The following WDR41 variants were observed in gnomAD, a reference collection of about 807,000 sequenced individuals.
The protein encoded by WDR41 is WD repeat-containing protein 41.
WDR41 carries 63 observed loss-of-function variants against 69.3 expected under a neutral mutation model. The ratio of observed to expected loss-of-function variants is 0.91; its 90% CI spans 0.74 to 1.12. The LOEUF (loss-of-function observed/expected upper bound fraction) is 1.12, where lower values mean the gene tolerates loss of function less well. Among genes scored for constraint, WDR41 ranks in the 50% most tolerant of loss-of-function variants. The pLI, the probability that WDR41 is intolerant of heterozygous loss-of-function variation, is 0.00. For missense variants in WDR41, 543 were observed against 534.5 expected (o/e 1.02, Z -0.16); for synonymous variants, 185 against 192.1 (o/e 0.96, Z 0.31).
intron 1 of WDR41, among the ~76,000 whole-genome samples, chr5:77,538,124 A>G (rs192757791): frequency 1.1e-3 from 173 of 152,006 alleles, no homozygotes; most frequent in Admixed American, 2.0e-3. Context: ...TCCACTCTCT[A>G]TTTCCATGAT....
Position 77,431,118 on chromosome 5 carries a change from G to A in WDR41, c.*2017C>T, listed in dbSNP as rs976471439. ...ATAAAGGAGCATCAGGATTTGAGAT[G>A]ACAGACTCTAAATTTTGAAAGAAGT... On this transcript the variant is annotated 3_prime_UTR_variant, in exon 13 of 13. Transcript: ENST00000296679. The A allele has an allele frequency of 1.5e-4, 22 of 150,658 alleles. No homozygotes were observed. The highest frequency in any genetic ancestry group is 5.3e-4 in the African/African-American group (22 of 41,312). The allele number at this position is 150,658 out of a possible 1,614,324, so 9.3% of individuals were successfully genotyped here.
At chr5:77,542,550 G>T (rs1348037716) in intron 1 of WDR41, among the ~76,000 whole-genome samples, 6 of 152,154 alleles carry the variant, frequency 3.9e-5, no homozygotes, top group Non-Finnish European at 7.4e-5. Flanking sequence ...AAAAGGTTTT[G>T]TGGAGCTAAA....
chr5:77,578,422 A>G (rs969992187), intron 1 of WDR41, among the ~76,000 whole-genome samples: 7 of 152,144 alleles, frequency 4.6e-5, no homozygotes, highest in African/African-American at 1.7e-4. Flanking sequence ...TAAAATGTCC[A>G]TTTTCCAAGT....
At chr5:77,615,603 G>A (rs1200195346) in intron 1 of WDR41, among the ~76,000 whole-genome samples, 1 of 145,012 alleles carries the variant, frequency 6.9e-6, no homozygotes, top group Non-Finnish European at 1.5e-5. Context: ...AGGCAATAAT[G>A]AGTTTGTGTG....
chr5:77,559,148 G>T (rs1329055178), intron 1 of WDR41, among the ~76,000 whole-genome samples: 1 of 151,932 alleles, frequency 6.6e-6, no homozygotes, highest in Non-Finnish European at 1.5e-5. Flanking sequence ...ATATAGAGAG[G>T]GAAATAGCCT....
intron 5 of WDR41, among the ~76,000 whole-genome samples, chr5:77,457,763 CTATT>C (rs1266631907): frequency 2.9e-5 from 4 of 135,764 alleles, no homozygotes; most frequent in African/African-American, 1.3e-4. Context: ...GATAAACTAT[CTATT>C]CAAGAACAAC....
At chr5:77,579,431 A>C (rs1016863077) in intron 1 of WDR41, among the ~76,000 whole-genome samples, 1 of 152,192 alleles carries the variant, frequency 6.6e-6, no homozygotes, top group Admixed American at 6.5e-5. Context: ...TTTACAAGTG[A>C]TTAACAGCAA....
intron 1 of WDR41, among the ~76,000 whole-genome samples, chr5:77,507,591 ATATAAG>A (rs1424419949): frequency 1.3e-5 from 2 of 152,264 alleles, no homozygotes; most frequent in South Asian, 2.1e-4. Flanking sequence ...TATACTCTCG[ATATAAG>A]TATAACAGAT....
intron 1 of WDR41, among the ~76,000 whole-genome samples, chr5:77,589,015 G>A (rs906670409): frequency 6.6e-6 from 1 of 152,044 alleles, no homozygotes; most frequent in Non-Finnish European, 1.5e-5. Flanking sequence ...TGAAAAATGT[G>A]GCACTTGATC....
intron 1 of WDR41, among the ~76,000 whole-genome samples, chr5:77,517,781 T>G (rs1188951024): frequency 6.6e-6 from 1 of 151,552 alleles, no homozygotes; most frequent in Non-Finnish European, 1.5e-5. Context: ...AACACCCAAA[T>G]AAGAAAGATA....
intron 1 of WDR41, among the ~76,000 whole-genome samples, chr5:77,571,276 A>G (rs1196554355): frequency 1.3e-5 from 2 of 152,184 alleles, no homozygotes; most frequent in Non-Finnish European, 2.9e-5. Flanking sequence ...GTCATTTTTA[A>G]TACATAATAC....
intron 1 of WDR41, among the ~76,000 whole-genome samples, chr5:77,570,804 T>G (rs1743719836): frequency 1.3e-5 from 2 of 151,920 alleles, no homozygotes; most frequent in Admixed American, 1.3e-4. Flanking sequence ...AGTTACATCT[T>G]CCTTAGTCAT....
At chr5:77,554,852 C>G (rs1019823798) in intron 1 of WDR41, among the ~76,000 whole-genome samples, 6 of 151,842 alleles carry the variant, frequency 4.0e-5, no homozygotes, top group Non-Finnish European at 8.8e-5. Flanking sequence ...GGTGGGGTGG[C>G]TCATGCCTGC....
Position 77,446,358 on chromosome 5 carries a change from T to C in WDR41, c.697+3402A>G, listed in dbSNP as rs568889508. Among the ~76,000 whole-genome samples the C allele has an allele frequency of 1.1e-4, 16 of 152,228 alleles. No individual in the cohort carries two copies. The East Asian group carries it at 2.9e-3, about 28-fold the overall frequency. On this transcript the variant is annotated intron_variant, in intron 8 of 12. Coordinates refer to ENST00000296679, the MANE Select transcript of WDR41 (RefSeq NM_018268.4). ...AAATGGCCATATTGCCTAAAGTAATTTACAGATTCAATGCTATTCCCATCA... is the reference window on the plus strand; with the variant it reads ...AAATGGCCATATTGCCTAAAGTAATCTACAGATTCAATGCTATTCCCATCA...
chr5:77,518,869 T>C (rs1024406505), intron 1 of WDR41, among the ~76,000 whole-genome samples: 2 of 152,034 alleles, frequency 1.3e-5, no homozygotes, highest in Admixed American at 1.3e-4. Context: ...ATGAATAATC[T>C]CAGTGAGAAG....
chr5:77,605,889 A>G (rs925969646), intron 1 of WDR41, among the ~76,000 whole-genome samples: 22 of 152,202 alleles, frequency 1.4e-4, no homozygotes, highest in Admixed American at 4.6e-4. Flanking sequence ...TCATGGAAGG[A>G]TATAGGTAAA....
intron 1 of WDR41, among the ~76,000 whole-genome samples, chr5:77,578,721 C>A (rs1010697003): frequency 5.3e-5 from 8 of 151,650 alleles, no homozygotes; most frequent in Non-Finnish European, 1.2e-4. Flanking sequence ...AAAATTAGCC[C>A]GGCCTGGTGG....
chr5:77,545,816 G>A, intron 1 of WDR41: 1 of 1,008,272 alleles, frequency 9.9e-7, no homozygotes, highest in East Asian at 2.7e-5. Flanking sequence ...GCTCCAAGGA[G>A]GTGGCCACTG....
rs575517969 is a variant in WDR41 at position 77,556,128 on chromosome 5, G to A, written c.42+64351C>T. ...TTTTTTTTTTTTTTTTTTTTGAGATGGAGTCTCTCTCTGTTGCCAGGCTGA... is the reference window on the plus strand; with the variant it reads ...TTTTTTTTTTTTTTTTTTTTGAGATAGAGTCTCTCTCTGTTGCCAGGCTGA... On this transcript the variant is annotated intron_variant, in intron 1 of 5. Transcript: ENST00000509971. 1.6e-3 allele frequency among the ~76,000 whole-genome samples: 181 copies of A among 111,948 alleles called. No individual in the cohort carries two copies. The Middle Eastern group carries it at 0.019, about 12-fold the overall frequency. The allele number at this position is 111,948 out of a possible 152,430, so 73.4% of individuals were successfully genotyped here. A position where few individuals can be genotyped will look rare whatever the true frequency, so the allele number is the denominator to read the frequency against.
Sources: gnomAD v4.1 joint callset for allele counts (sites outside exome capture counted in the v4.1 genomes callset) on GRCh38, gnomAD v4.1.1 for gene constraint, MANE v1.5 for transcripts, NCBI Gene and HGNC (gene_info 2026-07-23, HGNC 2026-07-21) for gene names.